The following GRIA1 variants were observed in gnomAD, a reference collection of about 807,000 sequenced individuals.
GRIA1 encodes the protein glutamate receptor 1.
Under a neutral mutation model 99.2 loss-of-function variants are expected in GRIA1, and 31 were observed. The observed-to-expected ratio is 0.31, with a 90% CI of 0.23 to 0.42. GRIA1 has a LOEUF of 0.42. GRIA1 is among the 10% of genes least tolerant of loss of function. The probability of loss-of-function intolerance (pLI) is 1.00; values close to 1 mark genes in which losing one functional copy is unlikely to be tolerated. For synonymous variants in GRIA1, 438 were observed against 432.4 expected (o/e 1.01, Z -0.16); for missense variants, 782 against 1,157.5 (o/e 0.68, Z 4.71).
At chr5:153,677,198 C>A in intron 7 of GRIA1, 37 bp downstream of exon 7, 2 of 1,357,628 alleles carry the variant, frequency 1.5e-6, no homozygotes, top group Non-Finnish European at 1.9e-6. Context: ...TCATAGGAGC[C>A]TACTGGGGGA....
chr5:153,758,259 G>A (rs1022289157), intron 11 of GRIA1, among the ~76,000 whole-genome samples: 3 of 151,900 alleles, frequency 2.0e-5, no homozygotes, highest in Admixed American at 1.3e-4. Context: ...GACATAGCGT[G>A]GCTGAATTAA....
chr5:153,762,168 T>G (rs977614841), intron 11 of GRIA1, among the ~76,000 whole-genome samples: 2 of 152,222 alleles, frequency 1.3e-5, no homozygotes, highest in Non-Finnish European at 2.9e-5. Flanking sequence ...ATATTTTGAA[T>G]GTTCTCACCA....
chr5:153,559,556 C>G (rs552719963), intron 2 of GRIA1, among the ~76,000 whole-genome samples: 11 of 152,180 alleles, frequency 7.2e-5, no homozygotes, highest in Admixed American at 3.3e-4. Flanking sequence ...CATAATATAG[C>G]TGCTTATTAT....
At chr5:153,603,969 T>C (rs1765230413) in intron 2 of GRIA1, among the ~76,000 whole-genome samples, 1 of 152,200 alleles carries the variant, frequency 6.6e-6, no homozygotes, top group African/African-American at 2.4e-5. Flanking sequence ...ATACATGTAT[T>C]TTACATACCT....
chr5:153,566,716 CT>C (rs56127811), intron 2 of GRIA1, among the ~76,000 whole-genome samples: 2,325 of 116,516 alleles, frequency 0.02, 52 homozygotes, highest in African/African-American at 0.07. Context: ...CAAATATTGT[CT>C]TTTTTTTTTT....
chr5:153,651,430 C>G (rs1459152223), intron 4 of GRIA1, among the ~76,000 whole-genome samples: 1 of 126,994 alleles, frequency 7.9e-6, no homozygotes, highest in Non-Finnish European at 1.8e-5. Flanking sequence ...ACATGCCCAC[C>G]ACAGAATTAG....
chr5:153,730,873 G>A (rs1760961959), intron 11 of GRIA1, among the ~76,000 whole-genome samples: 1 of 152,062 alleles, frequency 6.6e-6, no homozygotes, highest in Non-Finnish European at 1.5e-5. Context: ...GAATGCAACT[G>A]CTCTGATTAA....
intron 2 of GRIA1, among the ~76,000 whole-genome samples, chr5:153,569,782 T>G (rs1014489108): frequency 1.3e-5 from 2 of 152,224 alleles, no homozygotes; most frequent in African/African-American, 4.8e-5. Context: ...TTACAGCCTT[T>G]TCTGTGTATA....
chr5:153,737,368 A>G (rs994441208), intron 11 of GRIA1, among the ~76,000 whole-genome samples: 3 of 151,752 alleles, frequency 2.0e-5, no homozygotes, highest in Non-Finnish European at 2.9e-5. Context: ...GAAAGATTAC[A>G]TAAATTGGCC....
intron 2 of GRIA1, among the ~76,000 whole-genome samples, chr5:153,640,933 T>A (rs1207608929): frequency 6.6e-6 from 1 of 152,158 alleles, no homozygotes; most frequent in African/African-American, 2.4e-5. Flanking sequence ...ATGATTTATA[T>A]CTATTATGGT....
rs1581227300 is a variant in GRIA1 at position 153,558,035 on chromosome 5, T to C, written c.220+63970T>C. 3 of 152,370 alleles carry C rather than the reference T, an allele frequency of 2.0e-5. No individual in the cohort carries two copies. The East Asian group carries it at 5.8e-4, about 29-fold the overall frequency. The allele number at this position is 152,370 out of a possible 1,614,324, so 9.4% of individuals were successfully genotyped here. On this transcript the variant is annotated intron_variant, in intron 2 of 15. Transcript: ENST00000285900. Reference sequence around the variant, plus strand: ...GTACTGTACATGACTGTATGTGTTATACTTTTATATACAACCACAGCACAG... The same window carrying C: ...GTACTGTACATGACTGTATGTGTTACACTTTTATATACAACCACAGCACAG...
chr5:153,674,416 T>C lies in GRIA1; in HGVS notation c.700-84T>C. ...GTAGGTTTCATCTGGTGGAACTGAA[T>C]GGAAAATCCTGTGGTTTTGGAACAG... On this transcript the variant is annotated intron_variant, in intron 5 of 15. Transcript: ENST00000285900. The C allele has an allele frequency of 3.4e-6, 5 of 1,473,472 alleles. No individual in the cohort carries two copies. The South Asian group carries it at 3.7e-5, about 11-fold the overall frequency. 91.3% of individuals were successfully genotyped at this position (1,473,472 alleles called of 1,614,324 possible).
At chr5:153,643,725 G>A (rs765053064) in intron 2 of GRIA1, among the ~76,000 whole-genome samples, 2 of 152,194 alleles carry the variant, frequency 1.3e-5, no homozygotes, top group Non-Finnish European at 2.9e-5. Context: ...AGGGAGTAGT[G>A]CGTAAATGCA....
rs1404134027 is a variant in GRIA1, at chr5:153,582,334, T to A, written c.221-64594T>A. ...CATGGATCCCTAGAAAGTCAGCAAA[T>A]GGGGATCAGGGTGTCTTGAGCCCTG... On this transcript the variant is annotated intron_variant, in intron 2 of 15. Transcript: ENST00000285900. Among the ~76,000 whole-genome samples the A allele has an allele frequency of 2.0e-5, 3 of 152,284 alleles. No individual in the cohort carries two copies. The East Asian group carries it at 5.8e-4, about 29-fold the overall frequency.
rs1159360888 is a variant in GRIA1 at position 153,811,959 on chromosome 5, G to A, written c.*734G>A. ...CAGGGGCAGATGTGCAGTCAGAGAAGGACTCCTGAAGTTACTGCTGCTCAG... is the reference window on the plus strand; with the variant it reads ...CAGGGGCAGATGTGCAGTCAGAGAAAGACTCCTGAAGTTACTGCTGCTCAG... On this transcript the variant is annotated 3_prime_UTR_variant, in exon 16 of 16. Transcript: ENST00000285900. 1 of 152,368 alleles carries A rather than the reference G, an allele frequency of 6.6e-6. No homozygotes were observed. Among genetic ancestry groups the A allele is most frequent in the East Asian group, 1.9e-4 (1 of 5,168 alleles). The allele number at this position is 152,368 out of a possible 1,614,324, so 9.4% of individuals were successfully genotyped here.
intron 2 of GRIA1, among the ~76,000 whole-genome samples, chr5:153,589,620 T>A (rs1217706964): frequency 6.6e-6 from 1 of 152,136 alleles, no homozygotes; most frequent in African/African-American, 2.4e-5. Flanking sequence ...TTGATTTTCA[T>A]AGAAAATAAT....
At chr5:153,659,172 A>G (rs1275489610) in intron 5 of GRIA1, among the ~76,000 whole-genome samples, 5 of 152,188 alleles carry the variant, frequency 3.3e-5, no homozygotes, top group Non-Finnish European at 5.9e-5. Context: ...CATGCTTTAA[A>G]AAGTTAAAAG....
At chr5:153,720,711 G>A (rs1759995834) in intron 11 of GRIA1, among the ~76,000 whole-genome samples, 1 of 152,172 alleles carries the variant, frequency 6.6e-6, no homozygotes, top group South Asian at 2.1e-4. Flanking sequence ...TACAACTGTG[G>A]CTATGTGCCC....
intron 2 of GRIA1, among the ~76,000 whole-genome samples, chr5:153,597,927 G>T (rs1264447853): frequency 6.6e-6 from 1 of 151,996 alleles, no homozygotes; most frequent in Non-Finnish European, 1.5e-5. Context: ...TGGGAGGATT[G>T]CTTGAGCCTA....
Sources: gnomAD v4.1 joint callset for allele counts (sites outside exome capture counted in the v4.1 genomes callset) on GRCh38, gnomAD v4.1.1 for gene constraint, MANE v1.5 for transcripts, NCBI Gene and HGNC (gene_info 2026-07-23, HGNC 2026-07-21) for gene names.